The following PRKG2 variants were observed in gnomAD, a reference collection of about 807,000 sequenced individuals.
PRKG2 encodes the protein cGMP-dependent protein kinase 2.
Under a neutral mutation model 97.2 loss-of-function variants are expected in PRKG2, and 33 were observed. The ratio of observed to expected loss-of-function variants is 0.34; its 90% CI spans 0.26 to 0.45. PRKG2 has a LOEUF of 0.45. Among genes scored for constraint, PRKG2 ranks in the 20% least tolerant of loss-of-function variants. PRKG2 has a pLI of 1.00. For synonymous variants in PRKG2, 330 were observed against 321.8 expected, an observed-to-expected ratio of 1.03 and a Z score of -0.27; for missense variants, 638 against 900.0, an observed-to-expected ratio of 0.71 and a Z score of 3.73.
In PRKG2 at chr4:81,181,389, G is replaced by A. The variant is rs542056171; in HGVS notation, c.462-6430C>T. On this transcript the variant is annotated intron_variant, in intron 2 of 18. Transcript: ENST00000264399. ...ACTTGTAAGATGCAGTTAAAATGATGCATAGAAGAAAATTTATGATGTCAA... is the reference window on the plus strand; with the variant it reads ...ACTTGTAAGATGCAGTTAAAATGATACATAGAAGAAAATTTATGATGTCAA... Among the ~76,000 whole-genome samples, 6 of 151,634 alleles carry A rather than the reference G, an allele frequency of 4.0e-5. No individual in the cohort carries two copies. The South Asian group carries it at 1.0e-3, about 26-fold the overall frequency.
At chr4:81,104,217 A>T (rs1327688949) in intron 17 of PRKG2, among the ~76,000 whole-genome samples, 153 bp downstream of exon 17, 1 of 152,154 alleles carries the variant, frequency 6.6e-6, no homozygotes, top group Non-Finnish European at 1.5e-5. Flanking sequence ...TTATAACTAC[A>T]TCTACTAAAA....
intron 13 of PRKG2, among the ~76,000 whole-genome samples, chr4:81,137,119 C>G (rs1746784181): frequency 6.6e-6 from 1 of 151,998 alleles, no homozygotes; most frequent in Non-Finnish European, 1.5e-5. Context: ...GGTTTTTACC[C>G]TGACTCTGCT....
At chr4:81,137,525 T>C in intron 12 of PRKG2, 43 bp from the exon 13 acceptor site, 1 of 1,488,066 alleles carries the variant, frequency 6.7e-7, no homozygotes, top group Middle Eastern at 1.7e-4. Flanking sequence ...GGAAATCTAG[T>C]TTAAAAACCT....
chr4:81,110,659 C>T, intron 14 of PRKG2, 48 bp from the exon 15 acceptor site: 4 of 1,603,726 alleles, frequency 2.5e-6, no homozygotes, highest in Non-Finnish European at 3.4e-6. Context: ...AAAACTCATG[C>T]TCCTCTTTAA....
At chr4:81,132,755 T>C (rs1746305148) in intron 14 of PRKG2, among the ~76,000 whole-genome samples, 1 of 152,210 alleles carries the variant, frequency 6.6e-6, no homozygotes, top group South Asian at 2.1e-4. Flanking sequence ...ATTATACTCT[T>C]AATTTCTTAT....
At chr4:81,102,093 A>G (rs1742862759) in intron 17 of PRKG2, among the ~76,000 whole-genome samples, 1 of 152,184 alleles carries the variant, frequency 6.6e-6, no homozygotes, top group South Asian at 2.1e-4. Context: ...TCAACTCTAT[A>G]CTCTGCACTC....
At chr4:81,186,695 T>G (rs1185895922) in intron 2 of PRKG2, among the ~76,000 whole-genome samples, 1 of 152,098 alleles carries the variant, frequency 6.6e-6, no homozygotes, top group Non-Finnish European at 1.5e-5. Flanking sequence ...AGCTGGTTTT[T>G]GGAAAAGATT....
rs1753538268 is a variant in PRKG2 at position 81,204,723 on chromosome 4, T to A, written c.325A>T (p.Thr109Ser). ...CTATGGAGAGAGACCAATCCAGAGGTCTTCCGGTGGACCTCAAGAGGCACT... is the reference window on the plus strand; with the variant it reads ...CTATGGAGAGAGACCAATCCAGAGGACTTCCGGTGGACCTCAAGAGGCACT... ...DKVPLEVHRKTSGLVSLHSRR... is the reference protein window; with the variant it reads ...DKVPLEVHRKSSGLVSLHSRR... Residue 109 changes from threonine (T) to serine (S), a missense_variant, in exon 2 of 19, where the codon ACC becomes TCC. Coordinates refer to ENST00000264399, the MANE Select transcript of PRKG2 (RefSeq NM_006259.3). The A allele has an allele frequency of 6.2e-7, 1 of 1,614,080 alleles. No homozygotes were observed. The highest frequency in any genetic ancestry group is 1.3e-5 in the African/African-American group (1 of 75,004).
At chr4:81,121,743 T>C (rs73832610) in intron 14 of PRKG2, among the ~76,000 whole-genome samples, 5,922 of 151,616 alleles carry the variant, frequency 0.039, 406 homozygotes, top group African/African-American at 0.14. Context: ...TTTTTCTTAG[T>C]TAATCTGGAT....
intron 6 of PRKG2, chr4:81,164,859 A>G (rs1393765607): frequency 2.0e-5 from 3 of 152,184 alleles, no homozygotes; most frequent in African/African-American, 7.2e-5. Flanking sequence ...CACTGTGACT[A>G]ACAGGTGACT....
At chr4:81,156,375 G>A (rs1337127659) in intron 6 of PRKG2, among the ~76,000 whole-genome samples, 4 of 152,152 alleles carry the variant, frequency 2.6e-5, no homozygotes, top group Admixed American at 2.0e-4. Context: ...AGCAAGAAGA[G>A]CTAACTATCC....
chr4:81,089,757 T>C lies in PRKG2; in HGVS notation c.2240A>G (p.Glu747Gly). 6.2e-7 allele frequency: 1 copy of C among 1,613,380 alleles called. No homozygotes were observed. Among genetic ancestry groups the C allele is most frequent in the Non-Finnish European group, 8.5e-7 (1 of 1,179,302 alleles). ...DHSYFDKYPPEKGMPPDELSG... is the reference protein window; with the variant it reads ...DHSYFDKYPPGKGMPPDELSG... Reference sequence around the variant, plus strand: ...TAGCTCATCTGGAGGCATTCCCTTTTCAGGAGGATATTTGTCAAAGTAGCT... The same window carrying C: ...TAGCTCATCTGGAGGCATTCCCTTTCCAGGAGGATATTTGTCAAAGTAGCT... Residue 747 changes from glutamate to glycine, a missense_variant, in exon 19 of 19, where the codon GAA becomes GGA. Physicochemically the swap from Glu to Gly is moderately conservative, Grantham distance 98. This residue lies in a region of PRKG2 where 304 missense variants were observed against 460.5 expected (regional missense o/e 0.66). Transcript: ENST00000264399.
chr4:81,190,219 C>T (rs1245001946), intron 2 of PRKG2, among the ~76,000 whole-genome samples: 1 of 152,106 alleles, frequency 6.6e-6, no homozygotes, highest in Non-Finnish European at 1.5e-5. Flanking sequence ...GGTACTGGTA[C>T]CAAAACAGAT....
In PRKG2 at chr4:81,106,547, G is replaced by A. The variant is rs141268299; in HGVS notation, c.1941-612C>T. 1.6e-3 allele frequency among the ~76,000 whole-genome samples: 250 copies of A among 152,322 alleles called. 1 individual carries two copies. The highest frequency in any genetic ancestry group is 1.2e-3 in the Non-Finnish European group (79 of 68,022). On this transcript the variant is annotated intron_variant, in intron 15 of 18. Transcript: ENST00000264399. ...GCAGCCAGAGTAAGGTTTTCCTAAT[G>A]TGTAGAGGATAAACTATGATGATGG... is the stretch of plus-strand genomic sequence containing the variant.
At chr4:81,144,080 T>G in intron 10 of PRKG2, 152 bp downstream of exon 10, 2 of 611,696 alleles carry the variant, frequency 3.3e-6, no homozygotes, top group Non-Finnish European at 5.7e-6. Context: ...TGGTGTTGTC[T>G]TTGTGGAAGA....
At chr4:81,089,995 C>A (rs1741387542) in intron 18 of PRKG2, among the ~76,000 whole-genome samples, 192 bp from the exon 19 acceptor site, 1 of 152,120 alleles carries the variant, frequency 6.6e-6, no homozygotes, top group Non-Finnish European at 1.5e-5. Flanking sequence ...TCTTTACAAC[C>A]AAATAGATTT....
At position 81,092,440 on chromosome 4, in the gene PRKG2, AC is replaced by A. The variant is rs1220879211; in HGVS notation, c.2138del (p.Gly713ValfsTer7). On this transcript the variant is annotated frameshift_variant, in exon 18 of 19. Transcript: ENST00000264399. LOFTEE classifies it high-confidence loss of function. ...GTGCTTTCAGTCCCTCCCAATTAAA[AC>A]CATTTAACCACCTGAGAAATGAGAA... ...NDIKKHRWLN[G>X]FNWEGLKARS... is the part of the protein sequence containing the mutation. The A allele has an allele frequency of 6.3e-7, 1 of 1,588,028 alleles. No homozygotes were observed. Among genetic ancestry groups the A allele is most frequent in the East Asian group, 2.2e-5 (1 of 44,648 alleles).
rs562521112 is a variant in PRKG2 at position 81,142,244 on chromosome 4, G to C, written c.1407+550C>G. 2.6e-5 allele frequency among the ~76,000 whole-genome samples: 4 copies of C among 152,278 alleles called. No individual in the cohort carries two copies. The South Asian group carries it at 8.3e-4, about 32-fold the overall frequency. ...GATATCCTGATCAACACTACAGAAG[G>C]CTTCTCTTCAAATATTCCCTTTCAT... On this transcript the variant is annotated intron_variant, in intron 11 of 18. Coordinates refer to ENST00000264399, the MANE Select transcript of PRKG2 (RefSeq NM_006259.3).
intron 17 of PRKG2, 48 bp from the exon 18 acceptor site, chr4:81,092,500 G>GGAAT (rs1741671965): frequency 9.5e-7 from 1 of 1,052,240 alleles, no homozygotes; most frequent in South Asian, 1.4e-5. Context: ...AAGGAAGGAA[G>GGAAT]GAAGGAAGGA....
Sources: gnomAD v4.1 joint callset for allele counts (sites outside exome capture counted in the v4.1 genomes callset) on GRCh38, gnomAD v4.1.1 for gene constraint, gnomAD v4.1.1 regional missense constraint, MANE v1.5 for transcripts, NCBI Gene and HGNC (gene_info 2026-07-23, HGNC 2026-07-21) for gene names.